The following GRM1 variants were observed in gnomAD, a reference collection of about 807,000 sequenced individuals.
The protein encoded by GRM1 is metabotropic glutamate receptor 1.
Under a neutral mutation model 90.9 loss-of-function variants are expected in GRM1, and 33 were observed. The observed-to-expected ratio is 0.36, with a 90% CI of 0.28 to 0.49. The LOEUF is 0.49. GRM1 is among the 20% of genes least tolerant of loss of function. The pLI is 0.99. For missense variants in GRM1, 1,190 were observed against 1,534.3 expected (o/e 0.78, Z 3.75); for synonymous variants, 700 against 613.2 (o/e 1.14, Z -2.09).
At chr6:146,228,223 T>C (rs1780318912) in intron 2 of GRM1, among the ~76,000 whole-genome samples, 1 of 152,184 alleles carries the variant, frequency 6.6e-6, no homozygotes, top group Non-Finnish European at 1.5e-5. Flanking sequence ...CAAAATACCA[T>C]AGACTAAGTA....
At chr6:146,043,241 G>A (rs1403602954) in intron 1 of GRM1, among the ~76,000 whole-genome samples, 1 of 152,018 alleles carries the variant, frequency 6.6e-6, no homozygotes, top group Non-Finnish European at 1.5e-5. Context: ...AGGTTGCAGT[G>A]AGCAATGATG....
At chr6:146,230,169 G>C (rs1420388591) in intron 2 of GRM1, among the ~76,000 whole-genome samples, 1 of 152,142 alleles carries the variant, frequency 6.6e-6, no homozygotes, top group Non-Finnish European at 1.5e-5. Flanking sequence ...TTTCTACTAA[G>C]CTGCTGAAAA....
intron 2 of GRM1, among the ~76,000 whole-genome samples, chr6:146,186,579 A>G (rs1054979334): frequency 2.0e-5 from 3 of 152,044 alleles, no homozygotes; most frequent in African/African-American, 7.3e-5. Flanking sequence ...CTGTTTACCA[A>G]CTTACTAAAG....
chr6:146,140,275 A>G (rs760161930), intron 1 of GRM1, among the ~76,000 whole-genome samples: 1 of 147,486 alleles, frequency 6.8e-6, no homozygotes, highest in Non-Finnish European at 1.5e-5. Context: ...TATTATGATT[A>G]TTATTATTTT....
intron 7 of GRM1, among the ~76,000 whole-genome samples, chr6:146,422,124 A>G (rs993986813): frequency 1.3e-5 from 2 of 152,240 alleles, no homozygotes; most frequent in South Asian, 2.1e-4. Context: ...CTGGAATTGT[A>G]TAGAACATTT....
intron 1 of GRM1, among the ~76,000 whole-genome samples, chr6:146,150,936 G>GCACACA (rs764811450): frequency 9.0e-5 from 4 of 44,650 alleles, no homozygotes; most frequent in Non-Finnish European, 1.9e-4. Context: ...ACGCGTGTGC[G>GCACACA]CGCACACACA....
At chr6:146,175,005 A>C (rs528779500) in intron 2 of GRM1, among the ~76,000 whole-genome samples, 9 of 152,164 alleles carry the variant, frequency 5.9e-5, no homozygotes, top group Non-Finnish European at 1.0e-4. Flanking sequence ...AGAGAGATCG[A>C]GAGAGAGAGG....
At chr6:146,260,587 C>G (rs532449715) in intron 2 of GRM1, among the ~76,000 whole-genome samples, 2 of 152,220 alleles carry the variant, frequency 1.3e-5, no homozygotes, top group South Asian at 4.1e-4. Context: ...CTGTCTTCCA[C>G]AGTGGTCGAA....
At chr6:146,286,874 C>A (rs1255831508) in intron 2 of GRM1, among the ~76,000 whole-genome samples, 1 of 152,148 alleles carries the variant, frequency 6.6e-6, no homozygotes, top group East Asian at 1.9e-4. Context: ...AAATAGTAAA[C>A]AACCTCAAGT....
At chr6:146,239,455 G>A (rs990373361) in intron 2 of GRM1, among the ~76,000 whole-genome samples, 1 of 152,096 alleles carries the variant, frequency 6.6e-6, no homozygotes, top group Admixed American at 6.6e-5. Context: ...ATTGAACTGT[G>A]AGTTCCTTGC....
intron 3 of GRM1, among the ~76,000 whole-genome samples, chr6:146,309,060 G>A (rs1783686778): frequency 6.6e-6 from 1 of 151,976 alleles, no homozygotes; most frequent in Admixed American, 6.6e-5. Context: ...ATTTTCTTAA[G>A]TTGTATTTCT....
intron 2 of GRM1, among the ~76,000 whole-genome samples, chr6:146,180,142 C>T (rs371463777): frequency 6.7e-6 from 1 of 150,160 alleles, no homozygotes; most frequent in Non-Finnish European, 1.5e-5. Flanking sequence ...AAAAAACAAA[C>T]CAAAAAAACC....
intron 5 of GRM1, among the ~76,000 whole-genome samples, chr6:146,368,294 A>G (rs987321664): frequency 6.7e-6 from 1 of 149,910 alleles, no homozygotes; most frequent in African/African-American, 2.5e-5. Flanking sequence ...ATTTTTCTAA[A>G]TAGATTATTA....
chr6:146,398,185 T>C (rs994985206), intron 6 of GRM1, among the ~76,000 whole-genome samples: 1 of 152,102 alleles, frequency 6.6e-6, no homozygotes, highest in Admixed American at 6.6e-5. Context: ...TACAGATCAT[T>C]CATGATTCAT....
chr6:146,401,243 T>A (rs56823605), intron 7 of GRM1, among the ~76,000 whole-genome samples: 1,606 of 152,258 alleles, frequency 0.011, 35 homozygotes, highest in African/African-American at 0.037. Context: ...AAGCCAATAA[T>A]GTACGCTTAC....
intron 1 of GRM1, among the ~76,000 whole-genome samples, chr6:146,115,471 C>A (rs925468686): frequency 2.6e-5 from 4 of 152,072 alleles, no homozygotes; most frequent in African/African-American, 7.2e-5. Flanking sequence ...TTCAATATTT[C>A]TTGATTAAAT....
At chr6:146,225,552 A>G (rs776579886) in intron 2 of GRM1, among the ~76,000 whole-genome samples, 3 of 152,122 alleles carry the variant, frequency 2.0e-5, no homozygotes, top group Admixed American at 6.6e-5. Context: ...TTTAGAATCT[A>G]TTTCCTTGGG....
intron 2 of GRM1, among the ~76,000 whole-genome samples, chr6:146,296,320 G>A (rs1783175786): frequency 6.6e-6 from 1 of 152,150 alleles, no homozygotes; most frequent in Admixed American, 6.5e-5. Context: ...TTATATTTAT[G>A]GAGTACAATG....
chr6:146,397,961 A>G (rs1289964215), intron 6 of GRM1, among the ~76,000 whole-genome samples: 2 of 152,222 alleles, frequency 1.3e-5, no homozygotes, highest in African/African-American at 2.4e-5. Context: ...TGTGATTACA[A>G]AATTCTGTGA....
Sources: allele counts gnomAD v4.1 joint callset (sites outside exome capture counted in the v4.1 genomes callset), GRCh38; gene constraint gnomAD v4.1.1; transcripts MANE v1.5; gene names NCBI Gene and HGNC (gene_info 2026-07-23, HGNC 2026-07-21).